KIAA1549L: variants seen among roughly 807,000 people sequenced by gnomAD.
The protein encoded by KIAA1549L is UPF0606 protein KIAA1549L.
In KIAA1549L, 88 loss-of-function variants were observed where a neutral mutation model predicts 160.7. The observed-to-expected ratio is 0.55, with a 90% confidence interval of 0.46 to 0.65. The LOEUF is 0.65. Among genes scored for constraint, KIAA1549L ranks in the 30% least tolerant of loss-of-function variants. The pLI is 0.00. For synonymous variants in KIAA1549L, 950 were observed against 976.7 expected (o/e 0.97, Z 0.51); for missense variants, 2,258 against 2,437.5 (o/e 0.93, Z 1.55).
chr11:33,578,473 G>A (rs1855528098), intron 10 of KIAA1549L, among the ~76,000 whole-genome samples: 1 of 152,102 alleles, frequency 6.6e-6, no homozygotes, highest in African/African-American at 2.4e-5. Context: ...TTGGACCATG[G>A]CAGTAGCTTC....
chr11:33,540,635 A>G lies in KIAA1549L; in HGVS notation c.239-1167A>G, dbSNP rs138964577. ...AACACAATTTCCATTGCAAACCATG[A>G]AGCAGTTCCTAAGGAGGGCATGCAT... On this transcript the variant is annotated intron_variant, in intron 1 of 20. Coordinates refer to ENST00000658780, the MANE Select transcript of KIAA1549L (RefSeq NM_012194.3). Among the ~76,000 whole-genome samples, 14 of 152,352 alleles carry G rather than the reference A, an allele frequency of 9.2e-5. No homozygotes were observed. The East Asian group carries it at 2.7e-3, about 29-fold the overall frequency.
At position 33,520,762 on chromosome 11, in the gene KIAA1549L, C is replaced by T. The variant is rs544962300; in HGVS notation, c.239-21040C>T. ...ACACTCCCTCTCTCTCCCCCTCTCT[C>T]GTAATTGTTTTTTCTTGTTTTGTCT... On this transcript the variant is annotated intron_variant, in intron 1 of 20. Coordinates refer to ENST00000658780, the MANE Select transcript of KIAA1549L (RefSeq NM_012194.3). 4.3e-4 allele frequency among the ~76,000 whole-genome samples: 61 copies of T among 143,484 alleles called. No homozygotes were observed. The Middle Eastern group carries it at 0.015, about 35-fold the overall frequency. 94.1% of individuals were successfully genotyped at this position (143,484 alleles called of 152,430 possible).
At chr11:33,525,000 C>T (rs1420264053) in intron 1 of KIAA1549L, among the ~76,000 whole-genome samples, 1 of 152,114 alleles carries the variant, frequency 6.6e-6, no homozygotes, top group Admixed American at 6.5e-5. Context: ...GAACAACTTC[C>T]AGAGAAGACA....
At chr11:33,385,059 G>T (rs1372708762) in intron 1 of KIAA1549L, among the ~76,000 whole-genome samples, 1 of 151,812 alleles carries the variant, frequency 6.6e-6, no homozygotes, top group African/African-American at 2.4e-5. Flanking sequence ...GTGTGCCAAG[G>T]TCACAAATAT....
intron 1 of KIAA1549L, among the ~76,000 whole-genome samples, chr11:33,436,696 G>A (rs1175477510): frequency 3.9e-5 from 6 of 152,212 alleles, no homozygotes; most frequent in African/African-American, 1.4e-4. Context: ...ACTTGTTCAA[G>A]GTCACATGCT....
At chr11:33,422,547 C>A (rs1418466255) in intron 1 of KIAA1549L, among the ~76,000 whole-genome samples, 1 of 113,566 alleles carries the variant, frequency 8.8e-6, no homozygotes, top group Admixed American at 9.0e-5. Flanking sequence ...CCCCTCCCCC[C>A]TTCCCCCCCT....
At chr11:33,644,368 G>A (rs144823423) in intron 16 of KIAA1549L, among the ~76,000 whole-genome samples, 58 of 152,294 alleles carry the variant, frequency 3.8e-4, no homozygotes, top group African/African-American at 1.3e-3. Flanking sequence ...TGACCTTCAT[G>A]TGTAATATTT....
chr11:33,596,773 A>AAT (rs1565204042), intron 12 of KIAA1549L, among the ~76,000 whole-genome samples: 1 of 151,912 alleles, frequency 6.6e-6, no homozygotes, highest in East Asian at 1.9e-4. Context: ...GTGAATGTGA[A>AAT]ATAGGTTATA....
chr11:33,487,877 G>A (rs898627482), intron 1 of KIAA1549L, among the ~76,000 whole-genome samples: 1 of 152,120 alleles, frequency 6.6e-6, no homozygotes, highest in African/African-American at 2.4e-5. Flanking sequence ...ACATGTGATT[G>A]AAATCTTGGA....
Position 33,543,589 on chromosome 11 carries a change from A to G in KIAA1549L, c.2026A>G (p.Met676Val), listed in dbSNP as rs1349458688. The change falls in exon 2 of 21, where the codon ATG becomes GTG. Residue 676 changes from methionine (M) to valine (V), a missense_variant. This residue lies in a region of KIAA1549L where 287 missense variants were observed against 292.3 expected (regional missense o/e 0.98). Coordinates refer to ENST00000658780, the MANE Select transcript of KIAA1549L (RefSeq NM_012194.3). ...ACAGGTGAGAGCATCGCCCTCCTCC[A>G]TGGATGTATATGATTCCTTAACAAT... The part of the protein sequence containing the change: ...SKQVRASPSS[M>V]DVYDSLTIGD... The G allele has an allele frequency of 6.8e-6, 11 of 1,613,906 alleles. No individual in the cohort carries two copies. The highest frequency in any genetic ancestry group is 5.0e-5 in the Admixed American group (3 of 60,008).
At chr11:33,619,460 CTT>C (rs1242588906) in intron 16 of KIAA1549L, among the ~76,000 whole-genome samples, 5 of 152,270 alleles carry the variant, frequency 3.3e-5, no homozygotes, top group South Asian at 2.1e-4. Context: ...TCTAGATAAA[CTT>C]ATGTTATAAT....
At chr11:33,477,520 A>AACACAC (rs57378048) in intron 1 of KIAA1549L, among the ~76,000 whole-genome samples, 11 of 147,006 alleles carry the variant, frequency 7.5e-5, no homozygotes, top group Non-Finnish European at 1.7e-4. Flanking sequence ...CACACACACA[A>AACACAC]ACACACACAC....
chr11:33,633,242 G>T (rs1050442051), intron 16 of KIAA1549L, among the ~76,000 whole-genome samples: 1 of 138,942 alleles, frequency 7.2e-6, no homozygotes, highest in African/African-American at 2.7e-5. Flanking sequence ...CAGGTGATCT[G>T]CCCGCCTCTT....
Position 33,542,157 on chromosome 11 carries a change from C to T in KIAA1549L, c.594C>T (p.Leu198=). 1 of 593,878 alleles carries T rather than the reference C, an allele frequency of 1.7e-6. No individual in the cohort carries two copies. Among genetic ancestry groups the T allele is most frequent in the Non-Finnish European group, 3.2e-6 (1 of 314,794 alleles). 36.8% of individuals were successfully genotyped at this position (593,878 alleles called of 1,614,324 possible). ...CAGCCGATGTGTCAGGTTTGCCTCT[C>T]ACCAGCATGCTCCCCTCGTTGTCCA... ...QEAADVSGLP[L]TSMLPSLSTV... The change falls in exon 2 of 21, where the codon CTC becomes CTT. Residue 198 remains leucine, a synonymous_variant. Coordinates refer to ENST00000658780, the MANE Select transcript of KIAA1549L (RefSeq NM_012194.3).
At chr11:33,599,084 C>T in intron 13 of KIAA1549L, 137 bp downstream of exon 13, 1 of 1,013,400 alleles carries the variant, frequency 9.9e-7, no homozygotes, top group South Asian at 1.6e-5. Context: ...TTCTGCCCCA[C>T]AAGGGCCAGG....
Position 33,581,478 on chromosome 11 carries a change from C to T in KIAA1549L, c.4403-1860C>T, listed in dbSNP as rs1452857143. 4.6e-5 allele frequency among the ~76,000 whole-genome samples: 7 copies of T among 151,908 alleles called. No individual in the cohort carries two copies. The South Asian group carries it at 8.3e-4, about 18-fold the overall frequency. On this transcript the variant is annotated intron_variant, in intron 10 of 20. Coordinates refer to ENST00000658780, the MANE Select transcript of KIAA1549L (RefSeq NM_012194.3). ...ACACTTCTATTCATGTGTGTTAACT[C>T]GGAACCGACTTTAACTGTTTATTTC...
At chr11:33,558,131 A>T (rs181157661) in intron 6 of KIAA1549L, among the ~76,000 whole-genome samples, 192 of 152,272 alleles carry the variant, frequency 1.3e-3, no homozygotes, top group South Asian at 5.8e-3. Flanking sequence ...CTGTAAAAAA[A>T]TTTTTTTAAT....
intron 1 of KIAA1549L, among the ~76,000 whole-genome samples, chr11:33,394,609 G>T (rs537583921): frequency 6.6e-6 from 1 of 152,230 alleles, no homozygotes; most frequent in African/African-American, 2.4e-5. Flanking sequence ...TTTTAGACGG[G>T]GCATCTGTCA....
chr11:33,414,012 A>C (rs1322718033), intron 1 of KIAA1549L, among the ~76,000 whole-genome samples: 1 of 152,212 alleles, frequency 6.6e-6, no homozygotes, highest in Non-Finnish European at 1.5e-5. Context: ...ATGTTTATGG[A>C]AACACAGAAT....
Sources: allele counts gnomAD v4.1 joint callset (sites outside exome capture counted in the v4.1 genomes callset), GRCh38; gene constraint gnomAD v4.1.1; regional missense constraint gnomAD v4.1.1; transcripts MANE v1.5; gene names NCBI Gene and HGNC (gene_info 2026-07-23, HGNC 2026-07-21).